KANSL2: variants seen among roughly 807,000 people sequenced by gnomAD.
The protein encoded by KANSL2 is NSL complex protein NSL2.
KANSL2 carries 34 observed loss-of-function variants against 55.6 expected under a neutral mutation model. The observed-to-expected ratio is 0.61, with a 90% CI of 0.46 to 0.81. KANSL2 has a LOEUF of 0.81. Ranked by LOEUF, KANSL2 falls within the 40% of genes least tolerant of loss-of-function variation. KANSL2 has a pLI of 0.00. For missense variants in KANSL2, 502 were observed against 609.9 expected (o/e 0.82, Z 1.86); for synonymous variants, 209 against 214.3 (o/e 0.98, Z 0.22).
chr12:48,667,820 C>T, intron 6 of KANSL2, 31 bp from the exon 7 acceptor site: 3 of 1,467,660 alleles, frequency 2.0e-6, no homozygotes, highest in Non-Finnish European at 2.9e-6. Context: ...TAAAATAGAC[C>T]CACAAAAGAA....
intron 4 of KANSL2, among the ~76,000 whole-genome samples, chr12:48,674,206 T>C (rs570791080): frequency 6.6e-6 from 1 of 152,224 alleles, no homozygotes; most frequent in Non-Finnish European, 1.5e-5. Context: ...AGTGGCACAA[T>C]GTTGGCTCAC....
intron 7 of KANSL2, among the ~76,000 whole-genome samples, chr12:48,661,797 T>C (rs912285448): frequency 8.5e-5 from 13 of 152,330 alleles, no homozygotes; most frequent in Admixed American, 6.5e-4. Context: ...GGAAGAAGGA[T>C]GTATAGCAGC....
chr12:48,680,251 A>T (rs915684488), intron 2 of KANSL2, among the ~76,000 whole-genome samples: 3 of 152,138 alleles, frequency 2.0e-5, no homozygotes, highest in Non-Finnish European at 2.9e-5. Flanking sequence ...TGTAGAAACG[A>T]AGTCTATGTT....
Position 48,653,901 on chromosome 12 carries a change from G to A in KANSL2, c.*143C>T, listed in dbSNP as rs1939328199. 5 of 737,742 alleles carry A rather than the reference G, an allele frequency of 6.8e-6. No homozygotes were observed. Among genetic ancestry groups the A allele is most frequent in the Non-Finnish European group, 1.0e-5 (5 of 488,356 alleles). The allele number at this position is 737,742 out of a possible 1,614,324, so 45.7% of individuals were successfully genotyped here. A position where few individuals can be genotyped will look rare whatever the true frequency, so the allele number is the denominator to read the frequency against. ...CCCACGGTCCACGTCCTCAAAATTT[G>A]GCTTTACGTTTGACTATAATACTCA... On this transcript the variant is annotated 3_prime_UTR_variant, in exon 10 of 10. Transcript: ENST00000420613.
At chr12:48,667,565 G>A in intron 7 of KANSL2, 128 bp downstream of exon 7, 1 of 793,918 alleles carries the variant, frequency 1.3e-6, no homozygotes, top group Non-Finnish European at 2.3e-6. Context: ...AACAGCTTCA[G>A]CAAACTGCTG....
Position 48,682,238 on chromosome 12 carries a change from T to G in KANSL2, c.-61A>C, listed in dbSNP as rs1592112565. The G allele has an allele frequency of 1.6e-6, 1 of 622,414 alleles. No homozygotes were observed. The highest frequency in any genetic ancestry group is 2.9e-6 in the Non-Finnish European group (1 of 348,154). 38.6% of individuals were successfully genotyped at this position (622,414 alleles called of 1,614,324 possible). A position where few individuals can be genotyped will look rare whatever the true frequency, so the allele number is the denominator to read the frequency against. ...TGCCGCGCCGCTCGCCCTTCTCTAG[T>G]GGCGCCAGCGGCTCTCAGATCGGCC... is the stretch of plus-strand genomic sequence containing the variant. On this transcript the variant is annotated 5_prime_UTR_variant, in exon 1 of 10. Transcript: ENST00000420613.
At chr12:48,667,377 T>A (rs1301898568) in intron 7 of KANSL2, 1 of 344,420 alleles carries the variant, frequency 2.9e-6, no homozygotes, top group South Asian at 2.7e-5. Context: ...CTTGAGACAA[T>A]TACAAATATT....
intron 4 of KANSL2, among the ~76,000 whole-genome samples, chr12:48,676,136 G>A (rs1333219790): frequency 2.0e-5 from 3 of 152,010 alleles, no homozygotes; most frequent in African/African-American, 7.2e-5. Context: ...TATGAGATAG[G>A]GTCTCCCTCT....
At chr12:48,659,792 CA>C (rs1939455323) in intron 8 of KANSL2, among the ~76,000 whole-genome samples, 1 of 152,036 alleles carries the variant, frequency 6.6e-6, no homozygotes, top group Non-Finnish European at 1.5e-5. Flanking sequence ...TATTTCCAAA[CA>C]ATGGAATATT....
chr12:48,680,131 T>C (rs1939894063), intron 2 of KANSL2: 3 of 272,966 alleles, frequency 1.1e-5, no homozygotes, highest in Middle Eastern at 1.2e-3. Flanking sequence ...GCAATCATAG[T>C]TCACTGTAGC....
intron 5 of KANSL2, among the ~76,000 whole-genome samples, chr12:48,669,522 T>A (rs1022769097): frequency 2.1e-4 from 31 of 148,710 alleles, no homozygotes; most frequent in Admixed American, 7.4e-4. Context: ...GGAAAAAAAA[T>A]TTTTTTTTTT....
rs1939944123 is a variant in KANSL2 at position 48,682,198 on chromosome 12, C to CGCTGCGCCGCACTCT, written c.-36_-22dup. ...CACCGCCATCTTACCTCAGGAGCTG[C>CGCTGCGCCGCACTCT]GCTGCGCCGCACTCTGCCGCGCCGC... is the stretch of plus-strand genomic sequence containing the variant. On this transcript the variant is annotated 5_prime_UTR_variant, in exon 1 of 10. Coordinates refer to ENST00000420613, the MANE Select transcript of KANSL2 (RefSeq NM_017822.4). The CGCTGCGCCGCACTCT allele has an allele frequency of 3.0e-6, 2 of 676,100 alleles. No homozygotes were observed. The highest frequency in any genetic ancestry group is 1.8e-5 in the African/African-American group (1 of 56,356). 41.9% of individuals were successfully genotyped at this position (676,100 alleles called of 1,614,324 possible). A position where few individuals can be genotyped will look rare whatever the true frequency, so the allele number is the denominator to read the frequency against.
chr12:48,657,431 A>T (rs566218192), intron 8 of KANSL2, among the ~76,000 whole-genome samples: 21 of 152,270 alleles, frequency 1.4e-4, no homozygotes, highest in Middle Eastern at 3.4e-3. Context: ...TCTCAAAAAA[A>T]AATAATAAAA....
At chr12:48,669,611 A>C (rs993035653) in intron 5 of KANSL2, among the ~76,000 whole-genome samples, 1 of 150,792 alleles carries the variant, frequency 6.6e-6, no homozygotes, top group African/African-American at 2.4e-5. Context: ...TCCGCCCCCC[A>C]GGTTCACGCC....
At chr12:48,674,869 T>C (rs1939791296) in intron 4 of KANSL2, among the ~76,000 whole-genome samples, 2 of 151,736 alleles carry the variant, frequency 1.3e-5, no homozygotes, top group Non-Finnish European at 2.9e-5. Flanking sequence ...GAGATTACAG[T>C]GAGCCGAGAT....
intron 5 of KANSL2, among the ~76,000 whole-genome samples, chr12:48,670,665 A>T (rs1350364367): frequency 6.6e-6 from 1 of 152,194 alleles, no homozygotes; most frequent in Non-Finnish European, 1.5e-5. Flanking sequence ...TTTCTTAAAA[A>T]TTTTTTTAAG....
intron 8 of KANSL2, among the ~76,000 whole-genome samples, chr12:48,655,830 G>A (rs1197412727): frequency 6.6e-6 from 1 of 152,176 alleles, no homozygotes; most frequent in Non-Finnish European, 1.5e-5. Flanking sequence ...GGAAGCCGAA[G>A]TGGGAGGATC....
At chr12:48,670,043 A>G (rs187191285) in intron 5 of KANSL2, among the ~76,000 whole-genome samples, 1 of 152,158 alleles carries the variant, frequency 6.6e-6, no homozygotes, top group Non-Finnish European at 1.5e-5. Context: ...TCTACTAAAA[A>G]TACAAAAATT....
chr12:48,655,008 A>G lies in KANSL2; in HGVS notation c.1280T>C (p.Phe427Ser). The G allele has an allele frequency of 6.3e-7, 1 of 1,588,010 alleles. No homozygotes were observed. Among genetic ancestry groups the G allele is most frequent in the South Asian group, 1.2e-5 (1 of 86,614 alleles). The change falls in exon 9 of 10, where the codon TTT becomes TCT. Residue 427 changes from phenylalanine to serine, a missense_variant. Phe to Ser is a radical substitution (Grantham distance 155, BLOSUM62 -2). Coordinates refer to ENST00000420613, the MANE Select transcript of KANSL2 (RefSeq NM_017822.4). ...GMQCPPSPLLFDPSLTLEDHL... is the reference protein window; with the variant it reads ...GMQCPPSPLLSDPSLTLEDHL... ...ATCTTCAAGGGTTAGTGAAGGATCA[A>G]AAAGCAAAGGTGAAGGAGGACACTG...
Sources: allele counts gnomAD v4.1 joint callset (sites outside exome capture counted in the v4.1 genomes callset), GRCh38; gene constraint gnomAD v4.1.1; transcripts MANE v1.5; gene names NCBI Gene and HGNC (gene_info 2026-07-23, HGNC 2026-07-21).